THSD7B: variants seen among roughly 807,000 people sequenced by gnomAD.
THSD7B encodes the protein thrombospondin type 1 domain containing 7B.
In THSD7B, 138 loss-of-function variants were observed where a neutral mutation model predicts 213.6. That is an observed-to-expected ratio of 0.65 (90% CI 0.56 to 0.74). The LOEUF (loss-of-function observed/expected upper bound fraction) is 0.74, where lower values mean the gene tolerates loss of function less well. Among genes scored for constraint, THSD7B ranks in the 30% least tolerant of loss-of-function variants. THSD7B has a pLI of 0.00. For synonymous variants in THSD7B, 742 were observed against 687.0 expected (o/e 1.08, Z -1.25); for missense variants, 1,931 against 1,991.5 (o/e 0.97, Z 0.58).
chr2:137,571,841 C>G (rs1681360963), intron 16 of THSD7B, among the ~76,000 whole-genome samples: 1 of 151,856 alleles, frequency 6.6e-6, no homozygotes, highest in Non-Finnish European at 1.5e-5. Context: ...TTGAAAAATT[C>G]TTTACTGAAA....
chr2:136,959,395 C>T (rs1364067804), intron 2 of THSD7B, among the ~76,000 whole-genome samples: 1 of 152,190 alleles, frequency 6.6e-6, no homozygotes, highest in Non-Finnish European at 1.5e-5. Context: ...ACTGAAACTG[C>T]ACTCATGTCC....
intron 17 of THSD7B, among the ~76,000 whole-genome samples, chr2:137,583,496 A>G (rs1458469746): frequency 6.6e-6 from 1 of 152,326 alleles, no homozygotes; most frequent in East Asian, 1.9e-4. Context: ...TCTTAAATCC[A>G]TCTTGAATTA....
At chr2:137,456,671 T>C (rs1687770793) in intron 15 of THSD7B, among the ~76,000 whole-genome samples, 1 of 152,148 alleles carries the variant, frequency 6.6e-6, no homozygotes, top group African/African-American at 2.4e-5. Flanking sequence ...CACATTCAGG[T>C]GTACTGTTCT....
At chr2:137,191,732 C>T (rs1294536083) in intron 7 of THSD7B, among the ~76,000 whole-genome samples, 1 of 152,038 alleles carries the variant, frequency 6.6e-6, no homozygotes, top group Non-Finnish European at 1.5e-5. Flanking sequence ...TTTGAGTATC[C>T]TCAAATGCTC....
chr2:137,204,373 T>A (rs1680940418), intron 7 of THSD7B, among the ~76,000 whole-genome samples: 1 of 152,164 alleles, frequency 6.6e-6, no homozygotes, highest in Non-Finnish European at 1.5e-5. Context: ...ATATATTAAT[T>A]TCTCCAGGTG....
intron 5 of THSD7B, among the ~76,000 whole-genome samples, chr2:137,123,002 A>G (rs1236586923): frequency 6.6e-6 from 1 of 152,118 alleles, no homozygotes; most frequent in Non-Finnish European, 1.5e-5. Context: ...ATTTACTCTC[A>G]TCTTCCCAGC....
intron 3 of THSD7B, among the ~76,000 whole-genome samples, chr2:137,069,436 C>G (rs13418662): frequency 0.39 from 59,110 of 151,464 alleles, 13,617 homozygotes; most frequent in African/African-American, 0.65. Flanking sequence ...TTATTGTTTG[C>G]ATGAATGAAA....
chr2:136,955,665 C>T (rs1685112007), intron 2 of THSD7B, among the ~76,000 whole-genome samples: 1 of 152,144 alleles, frequency 6.6e-6, no homozygotes. Flanking sequence ...TAGAACGTTG[C>T]ATCTGAAGGA....
At chr2:137,482,686 T>TC (rs1321768872) in intron 15 of THSD7B, among the ~76,000 whole-genome samples, 1 of 141,432 alleles carries the variant, frequency 7.1e-6, no homozygotes, top group East Asian at 1.9e-4. Flanking sequence ...AGAAAACTGT[T>TC]TTTTTTTTTT....
At chr2:137,383,274 C>T (rs186684596) in intron 12 of THSD7B, among the ~76,000 whole-genome samples, 2 of 152,296 alleles carry the variant, frequency 1.3e-5, no homozygotes, top group East Asian at 3.9e-4. Context: ...TATAAAGCAA[C>T]ATTGGGGTAA....
chr2:137,113,180 A>C (rs901815808), intron 4 of THSD7B, among the ~76,000 whole-genome samples: 1 of 152,120 alleles, frequency 6.6e-6, no homozygotes, highest in Admixed American at 6.5e-5. Flanking sequence ...CATCCACCCC[A>C]ACATTCTCAT....
intron 15 of THSD7B, among the ~76,000 whole-genome samples, chr2:137,456,755 A>G (rs1687771913): frequency 6.6e-6 from 1 of 152,208 alleles, no homozygotes; most frequent in Non-Finnish European, 1.5e-5. Flanking sequence ...CACATGCCAT[A>G]TAATTAAGGG....
Position 137,605,754 on chromosome 2 carries a change from C to T in THSD7B, c.3424-10421C>T, listed in dbSNP as rs1240608566. Among the ~76,000 whole-genome samples the T allele has an allele frequency of 4.1e-5, 6 of 145,660 alleles. No individual in the cohort carries two copies. The East Asian group carries it at 8.4e-4, about 20-fold the overall frequency. On this transcript the variant is annotated intron_variant, in intron 17 of 27. Coordinates refer to ENST00000409968, the MANE Select transcript of THSD7B (RefSeq NM_001316349.2). ...TGCGATCTCAGCTCACTGCAACTTC[C>T]GCATCCCTGGTTCAAGCGTTTCTCC...
At chr2:137,058,751 C>G (rs1687214254) in intron 3 of THSD7B, among the ~76,000 whole-genome samples, 1 of 152,066 alleles carries the variant, frequency 6.6e-6, no homozygotes, top group Admixed American at 6.6e-5. Flanking sequence ...CGTGATGATG[C>G]AGTTCTCATA....
intron 7 of THSD7B, among the ~76,000 whole-genome samples, chr2:137,179,897 T>C (rs1232894792): frequency 6.6e-6 from 1 of 152,160 alleles, no homozygotes; most frequent in Non-Finnish European, 1.5e-5. Flanking sequence ...TGAATTGGTG[T>C]CCTTCAAGAA....
intron 7 of THSD7B, among the ~76,000 whole-genome samples, chr2:137,207,478 G>A (rs187880938): frequency 4.6e-5 from 7 of 152,164 alleles, no homozygotes; most frequent in Admixed American, 3.3e-4. Flanking sequence ...CAAATTTCTA[G>A]ATGTTTTTTG....
At chr2:137,452,903 T>A (rs1386776175) in intron 15 of THSD7B, among the ~76,000 whole-genome samples, 1 of 152,130 alleles carries the variant, frequency 6.6e-6, no homozygotes, top group Non-Finnish European at 1.5e-5. Context: ...AAACTAGAAA[T>A]TAAATCAAAG....
chr2:137,508,638 C>T (rs1327748522), intron 15 of THSD7B, among the ~76,000 whole-genome samples: 2 of 151,392 alleles, frequency 1.3e-5, no homozygotes, highest in Non-Finnish European at 2.9e-5. Flanking sequence ...ATCTGCCCGC[C>T]TCGGCCTTCC....
At chr2:137,249,786 G>C (rs530388332) in intron 10 of THSD7B, among the ~76,000 whole-genome samples, 1 of 152,186 alleles carries the variant, frequency 6.6e-6, no homozygotes, top group Non-Finnish European at 1.5e-5. Flanking sequence ...CCACGACAAC[G>C]AGCTACTTGC....
Sources: gnomAD v4.1 joint callset for allele counts (sites outside exome capture counted in the v4.1 genomes callset) on GRCh38, gnomAD v4.1.1 for gene constraint, MANE v1.5 for transcripts, NCBI Gene and HGNC (gene_info 2026-07-23, HGNC 2026-07-21) for gene names.